COL25A1: variants seen among roughly 807,000 people sequenced by gnomAD.
COL25A1 encodes collagen type XXV alpha 1 chain.
In COL25A1, 103 loss-of-function variants were observed where a neutral mutation model predicts 128.4. The observed-to-expected ratio is 0.80, with a 90% CI of 0.68 to 0.94. COL25A1 has a LOEUF of 0.94. Ranked by LOEUF, COL25A1 falls within the 40% of genes least tolerant of loss-of-function variation. The pLI is 0.00. For missense variants in COL25A1, 745 were observed against 840.0 expected, an observed-to-expected ratio of 0.89 and a Z score of 1.40; for synonymous variants, 279 against 277.2, an observed-to-expected ratio of 1.01 and a Z score of -0.06.
chr4:108,981,712 G>A (rs570238672), intron 6 of COL25A1, among the ~76,000 whole-genome samples: 2 of 152,114 alleles, frequency 1.3e-5, no homozygotes, highest in Admixed American at 6.5e-5. Context: ...TCCTTGTTCC[G>A]CAATTTCTTA....
chr4:109,134,731 GGA>G (rs1375607345), intron 3 of COL25A1, among the ~76,000 whole-genome samples: 1 of 152,126 alleles, frequency 6.6e-6, no homozygotes, highest in Non-Finnish European at 1.5e-5. Flanking sequence ...ACTGAGATGG[GGA>G]GGAAGGTGCA....
intron 8 of COL25A1, among the ~76,000 whole-genome samples, chr4:108,942,758 T>C (rs925161024): frequency 1.4e-5 from 2 of 144,266 alleles, no homozygotes; most frequent in Admixed American, 1.4e-4. Context: ...ACTTTTTTTT[T>C]TTTTTTTTTT....
intron 8 of COL25A1, among the ~76,000 whole-genome samples, chr4:108,954,303 T>C (rs1038426934): frequency 6.6e-6 from 1 of 152,106 alleles, no homozygotes; most frequent in African/African-American, 2.4e-5. Context: ...TGGTTTTAAT[T>C]TCCTAGTTGT....
At chr4:109,294,718 A>G (rs2126288180) in intron 3 of COL25A1, among the ~76,000 whole-genome samples, 1 of 152,258 alleles carries the variant, frequency 6.6e-6, no homozygotes, top group East Asian at 1.9e-4. Context: ...AATTGTTTAT[A>G]AAGTGATAGT....
intron 3 of COL25A1, among the ~76,000 whole-genome samples, chr4:109,157,247 T>A (rs1226950019): frequency 3.9e-5 from 6 of 152,176 alleles, no homozygotes; most frequent in African/African-American, 1.4e-4. Context: ...TCAACAAAAA[T>A]TACTGTGATC....
rs147287355 is a variant in COL25A1 at position 109,170,659 on chromosome 4, G to A, written c.368-120480C>T. ...GCAGGTGGAGAGGAAGGAATAGAAG[G>A]AGAAATAAATGCATTTTCTTACTTG... On this transcript the variant is annotated intron_variant, in intron 3 of 37. Coordinates refer to ENST00000399132, the MANE Select transcript of COL25A1 (RefSeq NM_198721.4). 1.0e-3 allele frequency among the ~76,000 whole-genome samples: 156 copies of A among 152,250 alleles called. 2 individuals are homozygous for A. In the South Asian group the frequency reaches 0.025, roughly 24 times the overall value.
intron 6 of COL25A1, among the ~76,000 whole-genome samples, chr4:109,000,386 G>A (rs1377656409): frequency 6.6e-6 from 1 of 152,142 alleles, no homozygotes. Context: ...CAGTGGTAAA[G>A]CTGGGATTTG....
intron 5 of COL25A1, among the ~76,000 whole-genome samples, chr4:109,029,704 C>A (rs984581678): frequency 1.1e-4 from 16 of 152,010 alleles, no homozygotes; most frequent in Admixed American, 3.9e-4. Context: ...TGGAACATAT[C>A]GCCTTGGACA....
At chr4:108,960,760 AG>A (rs1196566285) in intron 8 of COL25A1, among the ~76,000 whole-genome samples, 1 of 152,086 alleles carries the variant, frequency 6.6e-6, no homozygotes, top group Non-Finnish European at 1.5e-5. Flanking sequence ...GTTTTCTCTA[AG>A]ATCGAAGTCA....
At chr4:109,076,438 C>A (rs975682538) in intron 3 of COL25A1, among the ~76,000 whole-genome samples, 4 of 152,008 alleles carry the variant, frequency 2.6e-5, no homozygotes, top group South Asian at 4.2e-4. Flanking sequence ...TATGTGCTAA[C>A]CCTGGTGTTC....
chr4:109,074,136 C>T (rs922557306), intron 3 of COL25A1, among the ~76,000 whole-genome samples: 4 of 152,116 alleles, frequency 2.6e-5, no homozygotes, highest in Admixed American at 1.3e-4. Flanking sequence ...TGTGCAGTTC[C>T]ACAGTAGGAT....
intron 3 of COL25A1, among the ~76,000 whole-genome samples, chr4:109,274,369 T>C (rs1177515707): frequency 6.6e-6 from 1 of 152,186 alleles, no homozygotes; most frequent in African/African-American, 2.4e-5. Context: ...TTTTATAAGA[T>C]TCTAATAAAT....
At chr4:108,823,413 G>A (rs1466850205) in intron 35 of COL25A1, among the ~76,000 whole-genome samples, 1 of 151,958 alleles carries the variant, frequency 6.6e-6, no homozygotes, top group East Asian at 1.9e-4. Flanking sequence ...GGGAGGGAAG[G>A]AGAGAAAAGA....
chr4:109,253,009 C>T (rs555810852), intron 3 of COL25A1, among the ~76,000 whole-genome samples: 2 of 152,258 alleles, frequency 1.3e-5, no homozygotes, highest in Non-Finnish European at 2.9e-5. Flanking sequence ...GCTGCTTCTT[C>T]GTGTAACTTA....
At chr4:108,997,225 A>AG (rs1754869139) in intron 6 of COL25A1, among the ~76,000 whole-genome samples, 1 of 152,164 alleles carries the variant, frequency 6.6e-6, no homozygotes, top group Non-Finnish European at 1.5e-5. Flanking sequence ...ATAGACCACT[A>AG]GCAAGACTAA....
At chr4:108,890,576 G>A (rs539217524) in intron 16 of COL25A1, among the ~76,000 whole-genome samples, 1 of 152,332 alleles carries the variant, frequency 6.6e-6, no homozygotes, top group East Asian at 1.9e-4. Flanking sequence ...AGTCAGCAAA[G>A]GGCCTAGAAT....
In COL25A1 at chr4:108,915,185, C is replaced by T. The variant is rs79871366; in HGVS notation, c.780+2987G>A. Among the ~76,000 whole-genome samples the T allele has an allele frequency of 3.4e-3, 517 of 152,264 alleles. 4 individuals are homozygous for T. The highest frequency in any genetic ancestry group is 0.012 in the African/African-American group (496 of 41,570). On this transcript the variant is annotated intron_variant, in intron 13 of 37. Transcript: ENST00000399132. ...AGTCAGAAGAACTGAAAGACCATTA[C>T]AAAAATAAGTATTCAGATTAGCAAT... is the stretch of plus-strand genomic sequence containing the variant.
At chr4:108,859,381 T>C (rs936764122) in intron 24 of COL25A1, among the ~76,000 whole-genome samples, 2 of 152,124 alleles carry the variant, frequency 1.3e-5, no homozygotes, top group Non-Finnish European at 2.9e-5. Flanking sequence ...GAGGCAAAAA[T>C]TGGCCAAACT....
At chr4:109,301,007 T>C (rs1388372562) in intron 2 of COL25A1, among the ~76,000 whole-genome samples, 1 of 152,196 alleles carries the variant, frequency 6.6e-6, no homozygotes, top group East Asian at 1.9e-4. Context: ...ATTTTATACA[T>C]GAAGGTCAAC....
Sources: allele counts gnomAD v4.1 joint callset (sites outside exome capture counted in the v4.1 genomes callset), GRCh38; gene constraint gnomAD v4.1.1; transcripts MANE v1.5; gene names NCBI Gene and HGNC (gene_info 2026-07-23, HGNC 2026-07-21).